POU2F1: variants seen among roughly 807,000 people sequenced by gnomAD.
POU2F1 encodes the protein POU class 2 homeobox 1, also known as POU domain, class 2, transcription factor 1.
A neutral mutation model predicts 84.9 loss-of-function variants in POU2F1; 16 were observed. The observed-to-expected ratio is 0.19, with a 90% CI of 0.13 to 0.29. The LOEUF (loss-of-function observed/expected upper bound fraction) is 0.29. POU2F1 is among the 10% of genes least tolerant of loss of function. The pLI is 1.00. For synonymous variants in POU2F1, 368 were observed against 368.3 expected (o/e 1.00, Z 0.01); for missense variants, 738 against 942.6 (o/e 0.78, Z 2.84).
intron 2 of POU2F1, among the ~76,000 whole-genome samples, chr1:167,363,753 T>G (rs1659490172): frequency 6.6e-6 from 1 of 152,232 alleles, no homozygotes; most frequent in African/African-American, 2.4e-5. Context: ...TTTATGATTT[T>G]TAGAAAGTGA....
Position 167,338,235 on chromosome 1 carries a change from T to C in POU2F1, c.127+5700T>C, listed in dbSNP as rs557370911. On this transcript the variant is annotated intron_variant, in intron 2 of 15. Coordinates refer to ENST00000367866, the MANE Select transcript of POU2F1 (RefSeq NM_002697.4). ...AAGACAAGGATGAAGATCTTTGTGATGATCCACTTCCACTTAATGAATAGT... is the reference window on the plus strand; with the variant it reads ...AAGACAAGGATGAAGATCTTTGTGACGATCCACTTCCACTTAATGAATAGT... The C allele has an allele frequency of 3.9e-5, 18 of 464,436 alleles. 2 individuals carry two copies. The highest frequency in any genetic ancestry group is 2.8e-4 in the South Asian group (18 of 64,566). 28.8% of individuals were successfully genotyped at this position (464,436 alleles called of 1,614,324 possible).
chr1:167,414,701 C>A (rs1650188722), intron 15 of POU2F1: 1 of 985,074 alleles, frequency 1.0e-6, no homozygotes, highest in Non-Finnish European at 1.2e-6. Flanking sequence ...CCACCTACAT[C>A]ATTATGTCTA....
Position 167,425,973 on chromosome 1 carries a change from T to C in POU2F1, c.*10163T>C, listed in dbSNP as rs1331078555. ...CTTTTTAACTTGGGGGGTGGGGGGA[T>C]TGCAAATGAAGGAACTTTTTACATG... is the stretch of plus-strand genomic sequence containing the variant. On this transcript the variant is annotated 3_prime_UTR_variant, in exon 16 of 16. Coordinates refer to ENST00000367866, the MANE Select transcript of POU2F1 (RefSeq NM_002697.4). The C allele has an allele frequency of 2.7e-5, 4 of 145,692 alleles. No homozygotes were observed. Among genetic ancestry groups the C allele is most frequent in the Non-Finnish European group, 6.0e-5 (4 of 66,170 alleles). The allele number at this position is 145,692 out of a possible 1,614,324, so 9.0% of individuals were successfully genotyped here.
intron 2 of POU2F1, among the ~76,000 whole-genome samples, chr1:167,340,068 A>G (rs1657730859): frequency 6.6e-6 from 1 of 152,194 alleles, no homozygotes; most frequent in Non-Finnish European, 1.5e-5. Context: ...ACAGATAGCT[A>G]TAAAGGGGAG....
At chr1:167,328,177 CTG>C (rs914619678) in intron 1 of POU2F1, among the ~76,000 whole-genome samples, 5 of 152,126 alleles carry the variant, frequency 3.3e-5, no homozygotes, top group African/African-American at 1.2e-4. Flanking sequence ...AAGTAACAAA[CTG>C]TCTTCTTTCT....
intron 1 of POU2F1, among the ~76,000 whole-genome samples, chr1:167,275,759 T>C (rs1652686146): frequency 6.6e-6 from 1 of 152,210 alleles, no homozygotes; most frequent in African/African-American, 2.4e-5. Flanking sequence ...GAATAATGAT[T>C]GGTTAAGTGA....
intron 1 of POU2F1, among the ~76,000 whole-genome samples, chr1:167,330,558 T>G (rs985090916): frequency 6.6e-6 from 1 of 152,192 alleles, no homozygotes; most frequent in African/African-American, 2.4e-5. Flanking sequence ...TCTCTTACTT[T>G]CAGTTAATAG....
chr1:167,359,190 TA>T (rs34898347), intron 2 of POU2F1, among the ~76,000 whole-genome samples: 100,806 of 145,202 alleles, frequency 0.69, 34,340 homozygotes, highest in East Asian at 0.83. Flanking sequence ...AGACTTTTTT[TA>T]AAAAAAAAAA....
In POU2F1 at chr1:167,253,875, G is replaced by T. The variant is rs191378356; in HGVS notation, c.61+32917G>T. ...AAAGTTTTTATGTCTCCTCTAATAC[G>T]TATTTCATTTTTTTCTATTTGCTCC... On this transcript the variant is annotated intron_variant, in intron 1 of 15. Coordinates refer to ENST00000367866, the MANE Select transcript of POU2F1 (RefSeq NM_002697.4). Among the ~76,000 whole-genome samples the T allele has an allele frequency of 2.0e-5, 3 of 152,220 alleles. No homozygotes were observed. The East Asian group carries it at 5.8e-4, about 29-fold the overall frequency.
In POU2F1 at chr1:167,415,675, T is replaced by C; in HGVS notation, c.2166T>C (p.Ser722=). ...PVSLVSAAAA[S]AGNSAPVASL... is the part of the protein sequence containing the mutation. ...GCTTGGTCTCTGCCGCCGCAGCATCTGCAGGGAACTCTGCACCTGTAGCCA... is the reference window on the plus strand; with the variant it reads ...GCTTGGTCTCTGCCGCCGCAGCATCCGCAGGGAACTCTGCACCTGTAGCCA... The change falls in exon 16 of 16, where the codon TCT becomes TCC. Residue 722 remains serine, a synonymous_variant. Transcript: ENST00000367866. 6.2e-7 allele frequency: 1 copy of C among 1,614,216 alleles called. No homozygotes were observed. The highest frequency in any genetic ancestry group is 8.5e-7 in the Non-Finnish European group (1 of 1,180,036).
chr1:167,335,043 C>A (rs1044629914), intron 2 of POU2F1, among the ~76,000 whole-genome samples: 1 of 152,118 alleles, frequency 6.6e-6, no homozygotes, highest in Admixed American at 6.5e-5. Flanking sequence ...TAATTCTATA[C>A]CTTCTGTCAT....
chr1:167,265,673 A>T (rs1024381185), intron 1 of POU2F1, among the ~76,000 whole-genome samples: 23 of 152,144 alleles, frequency 1.5e-4, no homozygotes, highest in African/African-American at 5.6e-4. Context: ...TCAAATAGGG[A>T]CAGTCTCTTG....
intron 10 of POU2F1, 67 bp downstream of exon 10, chr1:167,396,494 T>G: frequency 6.7e-7 from 1 of 1,494,228 alleles, no homozygotes; most frequent in Admixed American, 1.8e-5. Flanking sequence ...GTTATATAAA[T>G]TGGGGTTTAT....
chr1:167,245,612 C>T (rs1650260256), intron 1 of POU2F1, among the ~76,000 whole-genome samples: 1 of 151,988 alleles, frequency 6.6e-6, no homozygotes, highest in South Asian at 2.1e-4. Flanking sequence ...GGGGTTTCTC[C>T]ACATTGGTCA....
rs188239484 is a variant in POU2F1 at position 167,312,083 on chromosome 1, C to T, written c.62-20387C>T. 4.6e-4 allele frequency among the ~76,000 whole-genome samples: 70 copies of T among 151,872 alleles called. No homozygotes were observed. In the South Asian group the frequency reaches 7.7e-3, roughly 17 times the overall value. On this transcript the variant is annotated intron_variant, in intron 1 of 15. Transcript: ENST00000367866. ...CTGAGTAACTGGAATTACAGGCATG[C>T]GCCACCACGCTCGGCTAATTTTTGT...
chr1:167,319,448 G>T (rs1056887060), intron 1 of POU2F1, among the ~76,000 whole-genome samples: 2 of 152,056 alleles, frequency 1.3e-5, no homozygotes, highest in Non-Finnish European at 2.9e-5. Context: ...CATATGTGGT[G>T]TCCCGTAGTT....
intron 1 of POU2F1, among the ~76,000 whole-genome samples, chr1:167,244,192 A>T (rs1441997633): frequency 6.6e-6 from 1 of 152,242 alleles, no homozygotes; most frequent in Non-Finnish European, 1.5e-5. Context: ...GATAGCATGT[A>T]AAGGAAGAAG....
chr1:167,294,342 C>T (rs907505333), intron 1 of POU2F1, among the ~76,000 whole-genome samples: 9 of 151,796 alleles, frequency 5.9e-5, no homozygotes, highest in Admixed American at 2.6e-4. Context: ...GAGTGAGACT[C>T]CATCTAAAAA....
At chr1:167,386,431 G>A (rs1038844367) in intron 8 of POU2F1, among the ~76,000 whole-genome samples, 4 of 152,118 alleles carry the variant, frequency 2.6e-5, no homozygotes, top group Admixed American at 6.5e-5. Context: ...AGCAATCTGC[G>A]TGTCTTGGCC....
Sources: gnomAD v4.1 joint callset for allele counts (sites outside exome capture counted in the v4.1 genomes callset) on GRCh38, gnomAD v4.1.1 for gene constraint, MANE v1.5 for transcripts, NCBI Gene and HGNC (gene_info 2026-07-23, HGNC 2026-07-21) for gene names.